Variants in OR7G2 observed in about 807,000 individuals in gnomAD.
The protein encoded by OR7G2 is olfactory receptor 7G2.
For synonymous variants in OR7G2, 153 were observed against 152.2 expected, an observed-to-expected ratio of 1.01 and a Z score of -0.04; for missense variants, 362 against 384.0, an observed-to-expected ratio of 0.94 and a Z score of 0.48.
At chr19:9,103,501 C>CTTTT (rs201971532) in intron 1 of OR7G2, among the ~76,000 whole-genome samples, 10 of 119,072 alleles carry the variant, frequency 8.4e-5, no homozygotes, top group Non-Finnish European at 1.5e-4. Flanking sequence ...ATGTGGAAAT[C>CTTTT]TTTTTTTTTT....
At position 9,107,447 on chromosome 19, in the gene OR7G2, A is replaced by T. The variant is rs2050392419; in HGVS notation, c.-150T>A. On this transcript the variant is annotated 5_prime_UTR_variant, in exon 1 of 2. Transcript: ENST00000641081. ...AAGAGATGTTCAGTGAGGTGCTTAC[A>T]GCCTGACTTGTTGCACTGTCTATAT... 6.6e-6 allele frequency: 1 copy of T among 152,144 alleles called. No homozygotes were observed. The highest frequency in any genetic ancestry group is 1.9e-4 in the East Asian group (1 of 5,190). The allele number at this position is 152,144 out of a possible 1,614,324, so 9.4% of individuals were successfully genotyped here.
In OR7G2 at chr19:9,100,520, C is replaced by T. The variant is rs1384592421; in HGVS notation, c.*1749G>A. On this transcript the variant is annotated 3_prime_UTR_variant, in exon 2 of 2. Transcript: ENST00000641081. ...AAGTGCTGGGATTACAGGTGTGAGC[C>T]ACTGTGCCCAGCCCAGGGCTCCTAT... 1 of 152,212 alleles carries T rather than the reference C, an allele frequency of 6.6e-6. No individual in the cohort carries two copies. The highest frequency in any genetic ancestry group is 1.5e-5 in the Non-Finnish European group (1 of 68,072). 9.4% of individuals were successfully genotyped at this position (152,212 alleles called of 1,614,324 possible).
intron 1 of OR7G2, among the ~76,000 whole-genome samples, chr19:9,103,555 G>A (rs1055542648): frequency 4.4e-4 from 63 of 143,590 alleles, no homozygotes; most frequent in African/African-American, 1.6e-3. Context: ...CCACCAGGCT[G>A]GAATGCAGTG....
chr19:9,104,987 T>TC (rs1261187942), intron 1 of OR7G2, among the ~76,000 whole-genome samples: 2 of 151,418 alleles, frequency 1.3e-5, no homozygotes, highest in Non-Finnish European at 2.9e-5. Context: ...TTTCTTTTTT[T>TC]CGAGATGGAG....
Position 9,102,956 on chromosome 19 carries a change from G to A in OR7G2, c.288C>T (p.Gly96=). ...QAQNRSITYS[G]CLTQICFVLF... is the part of the protein sequence containing the mutation. Reference sequence around the variant, plus strand: ...AGACAAAGCAGATCTGGGTGAGGCAGCCTGAGTACGTGATGCTCCGATTCT... The same window carrying A: ...AGACAAAGCAGATCTGGGTGAGGCAACCTGAGTACGTGATGCTCCGATTCT... The change falls in exon 2 of 2, where the codon GGC becomes GGT. Residue 96 remains glycine, a synonymous_variant. Transcript: ENST00000641081. 6.2e-7 allele frequency: 1 copy of A among 1,614,202 alleles called. No homozygotes were observed. Among genetic ancestry groups the A allele is most frequent in the South Asian group, 1.1e-5 (1 of 91,080 alleles).
intron 1 of OR7G2, among the ~76,000 whole-genome samples, chr19:9,105,031 C>T (rs572930905): frequency 4.6e-4 from 70 of 151,540 alleles, no homozygotes; most frequent in African/African-American, 1.7e-3. Context: ...AATACAGTGG[C>T]GCGATCTCGG....
At chr19:9,106,724 A>T (rs916521) in intron 1 of OR7G2, among the ~76,000 whole-genome samples, 1 of 139,590 alleles carries the variant, frequency 7.2e-6, no homozygotes, top group South Asian at 2.3e-4. Flanking sequence ...GTGACAGAGC[A>T]AGATTCCATC....
At chr19:9,106,937 G>T (rs2050389572) in intron 1 of OR7G2, among the ~76,000 whole-genome samples, 1 of 151,932 alleles carries the variant, frequency 6.6e-6, no homozygotes, top group African/African-American at 2.4e-5. Context: ...AGGCACTGTG[G>T]CTCACATCTA....
chr19:9,103,139 G>T lies in OR7G2; in HGVS notation c.105C>A (p.Tyr35Ter). 6.2e-7 allele frequency: 1 copy of T among 1,614,142 alleles called. No homozygotes were observed. Among genetic ancestry groups the T allele is most frequent in the Non-Finnish European group, 8.5e-7 (1 of 1,180,024 alleles). Reference protein sequence around the residue: ...PVLFSLFLSMYLVTILGNLLI... With the variant: ...PVLFSLFLSM Reference sequence around the variant, plus strand: ...GCAGGTTCCCCAGGATGGTGACCAAGTACATGGACAGGAACAGGCTGAAAA... The same window carrying T: ...GCAGGTTCCCCAGGATGGTGACCAATTACATGGACAGGAACAGGCTGAAAA... Residue 35 changes from tyrosine (Y) to a stop codon, truncating the protein, a stop_gained, in exon 2 of 2, where the codon TAC becomes TAA. Transcript: ENST00000641081. LOFTEE classifies it low-confidence loss of function (END_TRUNC).
chr19:9,104,799 C>T (rs1218026926), intron 1 of OR7G2, among the ~76,000 whole-genome samples: 1 of 151,690 alleles, frequency 6.6e-6, no homozygotes, highest in Admixed American at 6.6e-5. Flanking sequence ...TGCACTCCAG[C>T]CTGGGCAACA....
rs144836316 is a variant in OR7G2, at chr19:9,103,251, A to C, written c.-8T>G. ...TTGGTTTCTCGCTTCCATGCTGTTG[A>C]TGATGAATCTGATGGAAAAGATAAT... On this transcript the variant is annotated 5_prime_UTR_variant, in exon 2 of 2. Transcript: ENST00000641081. The C allele has an allele frequency of 1.2e-6, 2 of 1,614,054 alleles. No individual in the cohort carries two copies. The highest frequency in any genetic ancestry group is 2.2e-5 in the South Asian group (2 of 91,086).
At chr19:9,105,260 G>A (rs111923984) in intron 1 of OR7G2, among the ~76,000 whole-genome samples, 1,547 of 152,128 alleles carry the variant, frequency 0.01, 12 homozygotes, top group Middle Eastern at 0.078. Flanking sequence ...GAGCCACTGC[G>A]CCTGGCCTCT....
Position 9,103,422 on chromosome 19 carries a change from T to C in OR7G2, c.-16-163A>G, listed in dbSNP as rs1217188496. 6 of 624,836 alleles carry C rather than the reference T, an allele frequency of 9.6e-6. No individual in the cohort carries two copies. The Admixed American group carries it at 1.8e-4, about 18-fold the overall frequency. The allele number at this position is 624,836 out of a possible 1,614,324, so 38.7% of individuals were successfully genotyped here. A position where few individuals can be genotyped will look rare whatever the true frequency, so the allele number is the denominator to read the frequency against. On this transcript the variant is annotated intron_variant, in intron 1 of 1. Coordinates refer to ENST00000641081, the MANE Select transcript of OR7G2 (RefSeq NM_001005193.2). ...CTTTCACAAGCCTTGTAGATGTTTT[T>C]GATAGATGCTGAATTTTGAGAAACA... is the stretch of plus-strand genomic sequence containing the variant.
rs368407971 is a variant in OR7G2 at position 9,102,424 on chromosome 19, C to G, written c.820G>C (p.Ala274Pro). 1.4e-5 allele frequency: 22 copies of G among 1,613,848 alleles called. No individual in the cohort carries two copies. Among genetic ancestry groups the G allele is most frequent in the Non-Finnish European group, 1.9e-5 (22 of 1,179,870 alleles). Reference protein sequence around the residue: ...VTDSPRKTAVASVMYSVFPQM... With the variant: ...VTDSPRKTAVPSVMYSVFPQM... ...GGGAACACAGAATACATCACTGAAG[C>G]CACTGCAGTCTTCCTAGGTGAGTCA... Residue 274 changes from alanine to proline, a missense_variant, in exon 2 of 2, where the codon GCT (alanine) becomes CCT (proline). Physicochemically the swap from Ala to Pro is conservative, Grantham distance 27. Transcript: ENST00000641081.
At position 9,102,414 on chromosome 19, in the gene OR7G2, A is replaced by T. The variant is rs1280456383; in HGVS notation, c.830T>A (p.Met277Lys). The T allele has an allele frequency of 1.2e-6, 2 of 1,614,038 alleles. No individual in the cohort carries two copies. Among genetic ancestry groups the T allele is most frequent in the Admixed American group, 1.7e-5 (1 of 60,006 alleles). The change falls in exon 2 of 2, where the codon ATG (methionine) becomes AAG (lysine). Residue 277 changes from methionine (M) to lysine (K), a missense_variant. By Grantham distance (95) the Met-to-Lys change is moderately conservative. Coordinates refer to ENST00000641081, the MANE Select transcript of OR7G2 (RefSeq NM_001005193.2). ...SPRKTAVASV[M>K]YSVFPQMVNP... is the part of the protein sequence containing the mutation. The stretch of plus-strand genomic sequence containing the variant: ...CACCATTTGAGGGAACACAGAATAC[A>T]TCACTGAAGCCACTGCAGTCTTCCT...
intron 1 of OR7G2, among the ~76,000 whole-genome samples, chr19:9,105,609 G>T (rs2050381592): frequency 6.6e-6 from 1 of 152,172 alleles, no homozygotes; most frequent in Non-Finnish European, 1.5e-5. Context: ...AGCACTTTGG[G>T]AGGCTAAGGC....
chr19:9,103,374 G>A (rs986229075), intron 1 of OR7G2, 115 bp from the exon 2 acceptor site: 2 of 953,822 alleles, frequency 2.1e-6, no homozygotes, highest in Non-Finnish European at 3.2e-6. Flanking sequence ...ATAAACTCTG[G>A]GGATGAGAAC....
At chr19:9,106,959 C>T (rs926328018) in intron 1 of OR7G2, among the ~76,000 whole-genome samples, 1 of 151,594 alleles carries the variant, frequency 6.6e-6, no homozygotes, top group Non-Finnish European at 1.5e-5. Context: ...AATCCGGGTC[C>T]TTTGGGAGGC....
At chr19:9,106,424 C>CAAA (rs34261571) in intron 1 of OR7G2, among the ~76,000 whole-genome samples, 2 of 119,266 alleles carry the variant, frequency 1.7e-5, no homozygotes, top group Non-Finnish European at 3.5e-5. Context: ...GACTGTGTCT[C>CAAA]AAAAAAAAAA....
Sources: gnomAD v4.1 joint callset for allele counts (sites outside exome capture counted in the v4.1 genomes callset) on GRCh38, gnomAD v4.1.1 for gene constraint, MANE v1.5 for transcripts, NCBI Gene and HGNC (gene_info 2026-07-23, HGNC 2026-07-21) for gene names.